The following CHD1L variants were observed in gnomAD, a reference collection of about 807,000 sequenced individuals.
The protein encoded by CHD1L is chromodomain helicase DNA binding protein 1 like.
A neutral mutation model predicts 115.9 loss-of-function variants in CHD1L; 118 were observed. The ratio of observed to expected loss-of-function variants is 1.02; its 90% confidence interval spans 0.88 to 1.19. The LOEUF (loss-of-function observed/expected upper bound fraction) is 1.19. CHD1L is among the 50% of genes most tolerant of loss of function. The pLI, the probability that CHD1L is intolerant of heterozygous loss-of-function variation, is 0.00. For synonymous variants in CHD1L, 411 were observed against 387.1 expected, an observed-to-expected ratio of 1.06 and a Z score of -0.72; for missense variants, 1,179 against 1,065.3, an observed-to-expected ratio of 1.11 and a Z score of -1.49.
chr1:147,274,360 G>C (rs7531962), intron 12 of CHD1L, among the ~76,000 whole-genome samples: 1 of 151,822 alleles, frequency 6.6e-6, no homozygotes, highest in African/African-American at 2.4e-5. Flanking sequence ...CTCAGTAATC[G>C]GTCATGATTA....
intron 21 of CHD1L, 53 bp downstream of exon 21, chr1:147,293,775 G>A: frequency 6.2e-6 from 9 of 1,445,780 alleles, no homozygotes; most frequent in Middle Eastern, 1.7e-4. Context: ...CTAGGCATGT[G>A]ATACGACTTT....
intron 12 of CHD1L, among the ~76,000 whole-genome samples, chr1:147,273,907 A>C (rs1179598869): frequency 6.6e-6 from 1 of 152,232 alleles, no homozygotes; most frequent in African/African-American, 2.4e-5. Context: ...TGTTGCCACC[A>C]GATGGCAGTG....
chr1:147,264,340 T>G (rs1450805512), intron 6 of CHD1L, 82 bp from the exon 7 acceptor site: 3 of 1,241,374 alleles, frequency 2.4e-6, no homozygotes, highest in Non-Finnish European at 3.4e-6. Context: ...CCTCTCTCTG[T>G]GTGGGTAAAG....
At chr1:147,261,348 G>C (rs1266663067) in intron 6 of CHD1L, among the ~76,000 whole-genome samples, 1 of 151,844 alleles carries the variant, frequency 6.6e-6, no homozygotes, top group African/African-American at 2.4e-5. Context: ...CATGACAGAA[G>C]GTGGACGGGC....
the CHD1L span, among the ~76,000 whole-genome samples, chr1:147,217,474 G>T: frequency 6.6e-6 from 1 of 152,126 alleles, no homozygotes; most frequent in African/African-American, 2.4e-5. Flanking sequence ...AACAGATATT[G>T]AGATATTGAG....
chr1:147,265,874 T>C, intron 7 of CHD1L, 58 bp from the exon 8 acceptor site: 1 of 1,505,010 alleles, frequency 6.6e-7, no homozygotes, highest in Non-Finnish European at 9.0e-7. Flanking sequence ...TTCTCTAGGG[T>C]TCATTGCCTT....
chr1:147,295,449 C>T lies in CHD1L; in HGVS notation c.2634C>T (p.Ser878=). 2 of 1,610,730 alleles carry T rather than the reference C, an allele frequency of 1.2e-6. No individual in the cohort carries two copies. The highest frequency in any genetic ancestry group is 1.7e-6 in the Non-Finnish European group (2 of 1,177,772). The change falls in exon 23 of 23, where the codon AGC becomes AGT. Residue 878 remains serine, a synonymous_variant. Coordinates refer to ENST00000369258, the MANE Select transcript of CHD1L (RefSeq NM_004284.6). The part of the protein sequence containing the change: ...IPTYIYYFPR[S]KSAVLHSQSS... Reference sequence around the variant, plus strand: ...TTATCAGATATTATTTTCCTAGAAGCAAGTCTGCTGTCCTTCATTCACAGT... The same window carrying T: ...TTATCAGATATTATTTTCCTAGAAGTAAGTCTGCTGTCCTTCATTCACAGT...
At chr1:147,255,212 A>C (rs1669693311) in intron 3 of CHD1L, among the ~76,000 whole-genome samples, 1 of 152,212 alleles carries the variant, frequency 6.6e-6, no homozygotes, top group Non-Finnish European at 1.5e-5. Context: ...TGATGAACTT[A>C]GTAGAAGCCA....
chr1:147,186,381 T>C, the CHD1L span: 1 of 908,690 alleles, frequency 1.1e-6, no homozygotes, highest in Non-Finnish European at 1.3e-6. Flanking sequence ...TAAGCATCTA[T>C]ATGTCTTATC....
rs1553946669 is a variant in CHD1L, at chr1:147,264,556, C to T, written c.711C>T (p.Tyr237=). The change falls in exon 7 of 23, where the codon TAC becomes TAT. Residue 237 remains tyrosine, a synonymous_variant. Transcript: ENST00000369258. ...KEEVGDFIQR[Y]QDIEKESESA... Reference sequence around the variant, plus strand: ...AGGTGGGAGATTTTATTCAACGCTACCAGGATATTGAGAAAGAATCTGAGT... The same window carrying T: ...AGGTGGGAGATTTTATTCAACGCTATCAGGATATTGAGAAAGAATCTGAGT... The T allele has an allele frequency of 6.2e-7, 1 of 1,613,760 alleles. No individual in the cohort carries two copies.
At chr1:147,232,057 T>G in the CHD1L span, among the ~76,000 whole-genome samples, 1 of 152,206 alleles carries the variant, frequency 6.6e-6, no homozygotes, top group Non-Finnish European at 1.5e-5. Flanking sequence ...CTGTTCCTAT[T>G]CAGCCATCTT....
chr1:147,199,492 T>C, the CHD1L span, among the ~76,000 whole-genome samples: 2,306 of 152,312 alleles, frequency 0.015, 33 homozygotes, highest in South Asian at 0.058. Flanking sequence ...ACATTTTCCC[T>C]AAGATCCCAT....
At chr1:147,222,397 G>A in the CHD1L span, among the ~76,000 whole-genome samples, 1 of 152,146 alleles carries the variant, frequency 6.6e-6, no homozygotes, top group African/African-American at 2.4e-5. Context: ...GCAGGGGATG[G>A]AAGTTGGGGA....
chr1:147,220,460 T>C, the CHD1L span, among the ~76,000 whole-genome samples: 2 of 152,120 alleles, frequency 1.3e-5, no homozygotes, highest in African/African-American at 4.8e-5. Context: ...CTAAAGTTCA[T>C]ATGGAAAGAC....
At chr1:147,215,660 CA>C in the CHD1L span, 8 of 907,458 alleles carry the variant, frequency 8.8e-6, no homozygotes, top group South Asian at 1.4e-4. Context: ...CAAATCAAGC[CA>C]ATCTTTAGAA....
chr1:147,222,623 A>G, the CHD1L span, among the ~76,000 whole-genome samples: 1 of 152,258 alleles, frequency 6.6e-6, no homozygotes, highest in Non-Finnish European at 1.5e-5. Context: ...CTCTAGAAAT[A>G]TAACGGTGAA....
chr1:147,214,083 G>T, the CHD1L span, among the ~76,000 whole-genome samples: 15 of 152,234 alleles, frequency 9.9e-5, no homozygotes, highest in Non-Finnish European at 1.8e-4. Context: ...ATAAATATGG[G>T]TTACCCTACT....
upstream of CHD1L, among the ~76,000 whole-genome samples, chr1:147,240,805 CAT>C (rs1223622023): frequency 3.9e-5 from 6 of 152,110 alleles, 1 homozygote; most frequent in South Asian, 6.2e-4. Context: ...CATTTGTTCA[CAT>C]GTTTTCATGC....
intron 20 of CHD1L, among the ~76,000 whole-genome samples, 193 bp downstream of exon 20, chr1:147,291,745 A>T (rs902180440): frequency 6.6e-6 from 1 of 152,126 alleles, no homozygotes; most frequent in Non-Finnish European, 1.5e-5. Flanking sequence ...AAAGTCCAAG[A>T]TCAAGGTATC....
Sources: allele counts gnomAD v4.1 joint callset (sites outside exome capture counted in the v4.1 genomes callset), GRCh38; gene constraint gnomAD v4.1.1; transcripts MANE v1.5; gene names NCBI Gene and HGNC (gene_info 2026-07-23, HGNC 2026-07-21).